Variants in UBR1 observed in about 807,000 individuals in gnomAD.
The protein encoded by UBR1 is E3 ubiquitin-protein ligase UBR1.
A neutral mutation model predicts 242.1 loss-of-function variants in UBR1; 102 were observed. The observed-to-expected ratio is 0.42, with a 90% CI of 0.36 to 0.50. The LOEUF is 0.50. Ranked by LOEUF, UBR1 falls within the 20% of genes least tolerant of loss-of-function variation. UBR1 has a pLI of 0.01. For synonymous variants in UBR1, 675 were observed against 684.8 expected (o/e 0.99, Z 0.22); for missense variants, 1,772 against 2,101.8 (o/e 0.84, Z 3.07).
intron 1 of UBR1, among the ~76,000 whole-genome samples, chr15:43,093,357 A>G (rs1177317749): frequency 6.6e-6 from 1 of 152,220 alleles, no homozygotes; most frequent in Non-Finnish European, 1.5e-5. Context: ...TTCTTTTTAA[A>G]GTGGTAACAA....
chr15:43,046,578 G>A (rs2033489554), intron 14 of UBR1, among the ~76,000 whole-genome samples: 2 of 152,110 alleles, frequency 1.3e-5, no homozygotes, highest in African/African-American at 2.4e-5. Flanking sequence ...TGAAGACGCA[G>A]AAAAACTTAG....
intron 43 of UBR1, among the ~76,000 whole-genome samples, chr15:42,958,313 A>C (rs1394083087): frequency 6.6e-6 from 1 of 152,240 alleles, no homozygotes; most frequent in African/African-American, 2.4e-5. Context: ...TCTAGTTTCT[A>C]GGACTAAACT....
intron 29 of UBR1, among the ~76,000 whole-genome samples, chr15:43,008,422 GC>G (rs1046434533): frequency 2.6e-5 from 4 of 152,280 alleles, no homozygotes; most frequent in African/African-American, 7.2e-5. Context: ...TGACATGTCA[GC>G]CCCCTCCTGC....
intron 3 of UBR1, among the ~76,000 whole-genome samples, chr15:43,080,944 C>G (rs1385030329): frequency 6.6e-6 from 1 of 151,828 alleles, no homozygotes. Context: ...GAGCCAGACT[C>G]CATCTCAAAA....
chr15:42,951,492 G>C lies in UBR1; in HGVS notation c.5006+786C>G, dbSNP rs555759604. ...CTGCCTCGGGCCTCCCAAAGTGTTGGGATTAAAGGCGAGAGCCACCGCGCC... is the reference window on the plus strand; with the variant it reads ...CTGCCTCGGGCCTCCCAAAGTGTTGCGATTAAAGGCGAGAGCCACCGCGCC... On this transcript the variant is annotated intron_variant, in intron 45 of 46. Coordinates refer to ENST00000290650, the MANE Select transcript of UBR1 (RefSeq NM_174916.3). Among the ~76,000 whole-genome samples the C allele has an allele frequency of 9.2e-5, 14 of 152,218 alleles. No individual in the cohort carries two copies. The East Asian group carries it at 2.5e-3, about 27-fold the overall frequency.
chr15:43,088,114 T>C (rs1248402366), intron 1 of UBR1, among the ~76,000 whole-genome samples: 1 of 152,278 alleles, frequency 6.6e-6, no homozygotes, highest in East Asian at 1.9e-4. Context: ...ATATACACAT[T>C]ATCTATTTGA....
chr15:43,000,986 A>G (rs959450690), intron 32 of UBR1, among the ~76,000 whole-genome samples: 2 of 151,924 alleles, frequency 1.3e-5, no homozygotes, highest in Non-Finnish European at 2.9e-5. Context: ...CGCATGTGCC[A>G]CCATGCCAGG....
At chr15:42,949,663 G>A (rs2031796441) in intron 46 of UBR1, among the ~76,000 whole-genome samples, 1 of 151,072 alleles carries the variant, frequency 6.6e-6, no homozygotes, top group Non-Finnish European at 1.5e-5. Flanking sequence ...GCTGGGCATA[G>A]TGGCACATGC....
chr15:42,970,842 C>T (rs923930137), intron 39 of UBR1, among the ~76,000 whole-genome samples: 2 of 152,116 alleles, frequency 1.3e-5, no homozygotes, highest in African/African-American at 4.8e-5. Context: ...CCTGCCTCAG[C>T]TTCCCAACTA....
chr15:42,954,732 A>AT (rs919006683), intron 44 of UBR1, among the ~76,000 whole-genome samples: 5 of 151,924 alleles, frequency 3.3e-5, no homozygotes, highest in South Asian at 4.2e-4. Context: ...TACCTGGCTA[A>AT]TTTTTTTTGT....
chr15:42,995,443 A>AG (rs2032622161), intron 33 of UBR1, among the ~76,000 whole-genome samples: 1 of 151,742 alleles, frequency 6.6e-6, no homozygotes. Flanking sequence ...GTGGATCACA[A>AG]GGTCAGGAGA....
At chr15:43,046,717 G>T (rs1255247459) in intron 14 of UBR1, among the ~76,000 whole-genome samples, 1 of 152,084 alleles carries the variant, frequency 6.6e-6, no homozygotes, top group Non-Finnish European at 1.5e-5. Context: ...TCTAGGGTGG[G>T]ATTACATATT....
intron 33 of UBR1, 33 bp downstream of exon 33, chr15:42,998,135 C>G (rs752829552): frequency 5.8e-6 from 9 of 1,551,914 alleles, no homozygotes; most frequent in Non-Finnish European, 8.0e-6. Context: ...ACACCATCTT[C>G]ACATAGCTAA....
intron 5 of UBR1, among the ~76,000 whole-genome samples, chr15:43,068,753 TG>T (rs917763353): frequency 1.3e-5 from 2 of 152,182 alleles, no homozygotes; most frequent in African/African-American, 4.8e-5. Flanking sequence ...CCTGAGTAGC[TG>T]GGATTACAGG....
Position 43,067,937 on chromosome 15 carries a change from G to C in UBR1, c.759C>G (p.Leu253=). The C allele has an allele frequency of 6.2e-7, 1 of 1,613,830 alleles. No homozygotes were observed. Among genetic ancestry groups the C allele is most frequent in the Non-Finnish European group, 8.5e-7 (1 of 1,179,980 alleles). ...CAGTGGTATGCAACTGGGCCTCTGC[G>C]AGCTCACAGTCAAGAGCTCTTTGTA... ...YSLQRALDCE[L]AEAQLHTTAI... The change falls in exon 6 of 47, where the codon CTC becomes CTG. Residue 253 remains leucine, a synonymous_variant. Transcript: ENST00000290650.
chr15:42,947,076 T>TGGA (rs1174353154), intron 46 of UBR1, among the ~76,000 whole-genome samples: 2 of 152,036 alleles, frequency 1.3e-5, no homozygotes, highest in East Asian at 3.9e-4. Context: ...GCTTGAACCC[T>TGGA]GGAGGTAGAC....
intron 14 of UBR1, among the ~76,000 whole-genome samples, chr15:43,044,148 G>A (rs961108383): frequency 1.3e-5 from 2 of 152,230 alleles, no homozygotes; most frequent in African/African-American, 2.4e-5. Context: ...AGAATTTACG[G>A]ATGAAATTAA....
chr15:42,969,279 C>CT (rs1347832633), intron 40 of UBR1, among the ~76,000 whole-genome samples: 3 of 152,124 alleles, frequency 2.0e-5, no homozygotes, highest in African/African-American at 7.2e-5. Context: ...TGATGATGAG[C>CT]TTTTTTACAT....
At chr15:43,075,147 T>G in intron 3 of UBR1, 58 bp from the exon 4 acceptor site, 1 of 1,242,496 alleles carries the variant, frequency 8.0e-7, no homozygotes, top group Non-Finnish European at 1.2e-6. Context: ...GCATGAAGAA[T>G]GATAAAGATG....
Sources: gnomAD v4.1 joint callset for allele counts (sites outside exome capture counted in the v4.1 genomes callset) on GRCh38, gnomAD v4.1.1 for gene constraint, MANE v1.5 for transcripts, NCBI Gene and HGNC (gene_info 2026-07-23, HGNC 2026-07-21) for gene names.